PCDHGA7: variants seen among roughly 807,000 people sequenced by gnomAD.
PCDHGA7 encodes the protein protocadherin gamma-A7.
In PCDHGA7, 44 loss-of-function variants were observed where a neutral mutation model predicts 58.3. The observed-to-expected ratio is 0.75, with a 90% CI of 0.59 to 0.97. The LOEUF (loss-of-function observed/expected upper bound fraction) is 0.97, where lower values mean the gene tolerates loss of function less well. Ranked by LOEUF, PCDHGA7 falls within the 50% of genes least tolerant of loss-of-function variation. PCDHGA7 has a pLI of 0.00. For synonymous variants in PCDHGA7, 516 were observed against 504.2 expected, an observed-to-expected ratio of 1.02 and a Z score of -0.31; for missense variants, 1,266 against 1,188.7, an observed-to-expected ratio of 1.06 and a Z score of -0.96.
chr5:141,414,330 G>A (rs1472752550), intron 1 of PCDHGA7: 2 of 1,613,714 alleles, frequency 1.2e-6, no homozygotes, highest in Non-Finnish European at 1.7e-6. Flanking sequence ...AGAATGGACA[G>A]GTAACCTGTT....
chr5:141,410,489 G>A, intron 1 of PCDHGA7: 3 of 1,613,972 alleles, frequency 1.9e-6, no homozygotes, highest in Non-Finnish European at 1.7e-6. Context: ...GGGTACAAAA[G>A]AGTTTAATTT....
chr5:141,438,581 TAC>T (rs2097976954), intron 1 of PCDHGA7, among the ~76,000 whole-genome samples: 6 of 49,834 alleles, frequency 1.2e-4, no homozygotes, highest in African/African-American at 7.2e-4. Flanking sequence ...TATACATACA[TAC>T]ATACATACAT....
chr5:141,410,238 C>CA, intron 1 of PCDHGA7: 1 of 1,614,046 alleles, frequency 6.2e-7, no homozygotes, highest in Non-Finnish European at 8.5e-7. Context: ...AGCGACCGCC[C>CA]TGTACTCTCT....
At chr5:141,440,030 G>A (rs780807702) in intron 1 of PCDHGA7, 2 of 153,028 alleles carry the variant, frequency 1.3e-5, no homozygotes, top group African/African-American at 2.4e-5. Context: ...ACTCAGTGTC[G>A]AGGACATGCC....
intron 1 of PCDHGA7, among the ~76,000 whole-genome samples, chr5:141,483,007 C>T (rs938404755): frequency 1.3e-5 from 2 of 152,022 alleles, no homozygotes; most frequent in Non-Finnish European, 2.9e-5. Flanking sequence ...ATTGCTTGAA[C>T]CCGGGAGGCA....
At chr5:141,462,206 T>A (rs574863016) in intron 1 of PCDHGA7, among the ~76,000 whole-genome samples, 7 of 152,066 alleles carry the variant, frequency 4.6e-5, no homozygotes, top group African/African-American at 1.7e-4. Flanking sequence ...GTGATCCGCC[T>A]GCCTCGGCCT....
At chr5:141,470,862 G>T (rs1363111218) in intron 1 of PCDHGA7, among the ~76,000 whole-genome samples, 1 of 151,596 alleles carries the variant, frequency 6.6e-6, no homozygotes, top group Non-Finnish European at 1.5e-5. Context: ...TAAGTTTTTT[G>T]TTTGTTTGTT....
intron 1 of PCDHGA7, chr5:141,398,901 C>T: frequency 9.9e-6 from 16 of 1,613,954 alleles, no homozygotes; most frequent in Non-Finnish European, 1.3e-5. Flanking sequence ...TGCCACCAGG[C>T]ACCACTGTGT....
rs779949480 is a variant in PCDHGA7, at chr5:141,489,768, C to G, written c.2425-5039C>G. The G allele has an allele frequency of 6.2e-7, 1 of 1,614,134 alleles. No individual in the cohort carries two copies. The highest frequency in any genetic ancestry group is 1.1e-5 in the South Asian group (1 of 91,072). On this transcript the variant is annotated intron_variant, in intron 1 of 3. Coordinates refer to ENST00000518325, the MANE Select transcript of PCDHGA7 (RefSeq NM_018920.4). The surrounding 1 kb of genome is among the most constrained non-coding windows in gnomAD (Gnocchi z 4.5). ...GCTTTTACACTCTAAGCCCCAACAG[C>G]CACTTCTCTCTGAATGTGAAGACCC...
intron 1 of PCDHGA7, chr5:141,413,152 G>C: frequency 1.3e-6 from 2 of 1,574,694 alleles, no homozygotes; most frequent in Non-Finnish European, 1.7e-6. Flanking sequence ...TGAGGACTTT[G>C]CAGAATTCTG....
At chr5:141,418,189 G>A in intron 1 of PCDHGA7, 1 of 1,614,046 alleles carries the variant, frequency 6.2e-7, no homozygotes, top group Admixed American at 1.7e-5. Flanking sequence ...AAGCTGTGGT[G>A]GAAAATCCTT....
intron 1 of PCDHGA7, chr5:141,423,087 G>C (rs756067751): frequency 1.2e-6 from 2 of 1,613,936 alleles, no homozygotes; most frequent in African/African-American, 1.3e-5. Context: ...TCTTCGCGGT[G>C]GGGGAGCACA....
At chr5:141,414,890 C>T in intron 1 of PCDHGA7, 5 of 1,614,232 alleles carry the variant, frequency 3.1e-6, no homozygotes, top group Non-Finnish European at 4.2e-6. Context: ...CCCGCCCTCC[C>T]CACAGACGGT....
chr5:141,452,848 G>A (rs1425590240), intron 1 of PCDHGA7, among the ~76,000 whole-genome samples: 9 of 152,128 alleles, frequency 5.9e-5, no homozygotes, highest in Non-Finnish European at 1.0e-4. Flanking sequence ...CCCACACTCT[G>A]GGGAGATGAT....
At chr5:141,458,075 A>G (rs1301404730) in intron 1 of PCDHGA7, among the ~76,000 whole-genome samples, 2 of 152,234 alleles carry the variant, frequency 1.3e-5, no homozygotes, top group Non-Finnish European at 2.9e-5. Flanking sequence ...GAACAACTAT[A>G]TTGCCGTAAG....
At chr5:141,409,700 G>C (rs1561722120) in intron 1 of PCDHGA7, 4 of 1,613,280 alleles carry the variant, frequency 2.5e-6, no homozygotes, top group Non-Finnish European at 3.4e-6. Context: ...AGAGCCCCTG[G>C]CGGTGTCGTC....
chr5:141,509,298 C>A (rs974744333), intron 3 of PCDHGA7, among the ~76,000 whole-genome samples: 1 of 152,180 alleles, frequency 6.6e-6, no homozygotes, highest in Non-Finnish European at 1.5e-5. Flanking sequence ...AGGGTGGAGG[C>A]AGAGGGAGGC....
At chr5:141,408,205 G>A (rs1222360149) in intron 1 of PCDHGA7, 2 of 1,551,762 alleles carry the variant, frequency 1.3e-6, no homozygotes, top group Non-Finnish European at 1.7e-6. Context: ...AGCGAACGAT[G>A]GGAGGGAGCT....
intron 1 of PCDHGA7, chr5:141,478,104 C>T (rs1440105341): frequency 6.2e-7 from 1 of 1,614,118 alleles, no homozygotes; most frequent in South Asian, 1.1e-5. Flanking sequence ...GCTACCCTCA[C>T]TGTGTCAGTA....
Sources: allele counts gnomAD v4.1 joint callset (sites outside exome capture counted in the v4.1 genomes callset), GRCh38; gene constraint gnomAD v4.1.1; non-coding constraint Gnocchi (gnomAD v3.1); transcripts MANE v1.5; gene names NCBI Gene and HGNC (gene_info 2026-07-23, HGNC 2026-07-21).